CDYL2: variants seen among roughly 807,000 people sequenced by gnomAD.
CDYL2 encodes the protein chromodomain Y-like protein 2.
CDYL2 carries 23 observed loss-of-function variants against 49.4 expected under a neutral mutation model. That is an observed-to-expected ratio of 0.47 (90% confidence interval 0.34 to 0.66). The LOEUF is 0.66. Ranked by LOEUF, CDYL2 falls within the 30% of genes least tolerant of loss-of-function variation. The pLI, the probability that CDYL2 is intolerant of heterozygous loss-of-function variation, is 0.01. For missense variants in CDYL2, 678 were observed against 656.4 expected (o/e 1.03, Z -0.36); for synonymous variants, 360 against 268.8 (o/e 1.34, Z -3.32).
At chr16:80,735,624 C>A (rs1905493997) in intron 1 of CDYL2, among the ~76,000 whole-genome samples, 1 of 152,166 alleles carries the variant, frequency 6.6e-6, no homozygotes, top group African/African-American at 2.4e-5. Flanking sequence ...CAGGGAATGG[C>A]CCCCAGGCTC....
At chr16:80,774,131 A>G (rs1186774042) in intron 1 of CDYL2, among the ~76,000 whole-genome samples, 2 of 152,194 alleles carry the variant, frequency 1.3e-5, no homozygotes, top group Admixed American at 1.3e-4. Context: ...AGGAAGAAAA[A>G]TACACAAGGA....
chr16:80,653,347 C>T (rs972429578), intron 2 of CDYL2, among the ~76,000 whole-genome samples: 3 of 152,244 alleles, frequency 2.0e-5, no homozygotes, highest in South Asian at 4.1e-4. Context: ...TGCCTGTAAT[C>T]CCAGCTACTT....
At chr16:80,769,717 C>T (rs1906844292) in intron 1 of CDYL2, among the ~76,000 whole-genome samples, 1 of 152,148 alleles carries the variant, frequency 6.6e-6, no homozygotes, top group South Asian at 2.1e-4. Flanking sequence ...CAACACTGGG[C>T]AAATAGCATG....
intron 2 of CDYL2, among the ~76,000 whole-genome samples, chr16:80,633,703 A>T (rs531049465): frequency 2.6e-4 from 39 of 150,568 alleles, no homozygotes; most frequent in Admixed American, 1.6e-3. Flanking sequence ...AGAACCAGAG[A>T]TGGGGCTCTG....
At chr16:80,668,875 G>A (rs1216056412) in intron 2 of CDYL2, among the ~76,000 whole-genome samples, 3 of 151,604 alleles carry the variant, frequency 2.0e-5, no homozygotes, top group Non-Finnish European at 2.9e-5. Flanking sequence ...CTCCAACCTG[G>A]GCGACAGAGT....
chr16:80,711,638 CTTCCT>C (rs576779220), intron 1 of CDYL2, among the ~76,000 whole-genome samples: 143 of 152,258 alleles, frequency 9.4e-4, no homozygotes, highest in Middle Eastern at 3.4e-3. Context: ...CTCTCTGAGC[CTTCCT>C]TTCATCTTCA....
At chr16:80,719,321 T>A (rs1383094870) in intron 1 of CDYL2, among the ~76,000 whole-genome samples, 1 of 152,184 alleles carries the variant, frequency 6.6e-6, no homozygotes, top group Non-Finnish European at 1.5e-5. Context: ...GTCTTCTAAC[T>A]GCTCAGTGCC....
intron 2 of CDYL2, chr16:80,670,831 G>C (rs1909472072): frequency 2.2e-6 from 1 of 446,710 alleles, no homozygotes; most frequent in Admixed American, 2.4e-5. Flanking sequence ...CCACAGTCGG[G>C]TTGCACACGA....
intron 4 of CDYL2, among the ~76,000 whole-genome samples, chr16:80,613,260 G>C (rs1310435345): frequency 2.6e-5 from 4 of 152,190 alleles, no homozygotes; most frequent in African/African-American, 4.8e-5. Flanking sequence ...AACTCAAAGA[G>C]AGAAAGAATG....
chr16:80,614,357 C>T (rs894417953), intron 4 of CDYL2, among the ~76,000 whole-genome samples: 2 of 152,226 alleles, frequency 1.3e-5, no homozygotes, highest in Non-Finnish European at 2.9e-5. Flanking sequence ...CATCAAACCT[C>T]CCACCATGGC....
At chr16:80,755,027 T>C (rs1906262652) in intron 1 of CDYL2, among the ~76,000 whole-genome samples, 1 of 152,176 alleles carries the variant, frequency 6.6e-6, no homozygotes, top group Non-Finnish European at 1.5e-5. Flanking sequence ...AAGCAGGTGC[T>C]TGGGAGCCAA....
intron 2 of CDYL2, 74 bp from the exon 3 acceptor site, chr16:80,633,310 T>C (rs1907661298): frequency 2.7e-6 from 4 of 1,469,826 alleles, no homozygotes; most frequent in East Asian, 4.6e-5. Flanking sequence ...CAGAGGACGT[T>C]GGGATTTCCA....
chr16:80,788,439 C>T (rs925425957), intron 1 of CDYL2, among the ~76,000 whole-genome samples: 4 of 152,202 alleles, frequency 2.6e-5, no homozygotes, highest in Non-Finnish European at 4.4e-5. Context: ...TTGAACAATA[C>T]AACAGACACC....
At chr16:80,694,407 A>T (rs115790076) in intron 1 of CDYL2, among the ~76,000 whole-genome samples, 5,111 of 152,292 alleles carry the variant, frequency 0.034, 124 homozygotes, top group African/African-American at 0.062. Flanking sequence ...CAAAGAATTT[A>T]AAAAATGACC....
chr16:80,789,990 C>T (rs1567607417), intron 1 of CDYL2, among the ~76,000 whole-genome samples: 2 of 152,052 alleles, frequency 1.3e-5, no homozygotes, highest in South Asian at 2.1e-4. Context: ...GAAACGCAGC[C>T]CCCACCACTA....
intron 2 of CDYL2, among the ~76,000 whole-genome samples, chr16:80,646,521 T>A (rs930156919): frequency 1.3e-5 from 2 of 152,196 alleles, no homozygotes; most frequent in Admixed American, 1.3e-4. Flanking sequence ...TCGGGCGTGG[T>A]GGCTCACACC....
Position 80,602,635 on chromosome 16 carries a change from T to C in CDYL2, c.*1753A>G, listed in dbSNP as rs1200317730. 1 of 152,170 alleles carries C rather than the reference T, an allele frequency of 6.6e-6. No individual in the cohort carries two copies. The highest frequency in any genetic ancestry group is 6.5e-5 in the Admixed American group (1 of 15,268). 9.4% of individuals were successfully genotyped at this position (152,170 alleles called of 1,614,324 possible). On this transcript the variant is annotated 3_prime_UTR_variant, in exon 7 of 7. Transcript: ENST00000570137. ...GAACTGTCACCAGAACTCTCTCTTCTAAGCCTGCCTCACCTCCATAAGCTG... is the reference window on the plus strand; with the variant it reads ...GAACTGTCACCAGAACTCTCTCTTCCAAGCCTGCCTCACCTCCATAAGCTG...
chr16:80,720,484 G>T (rs146395695), intron 1 of CDYL2, among the ~76,000 whole-genome samples: 1 of 152,164 alleles, frequency 6.6e-6, no homozygotes, highest in African/African-American at 2.4e-5. Context: ...GACTCCAACA[G>T]GAAATACTCT....
At chr16:80,626,292 A>G (rs1907297613) in intron 3 of CDYL2, among the ~76,000 whole-genome samples, 1 of 151,178 alleles carries the variant, frequency 6.6e-6, no homozygotes. Flanking sequence ...AAAAAAAAAA[A>G]AAAAGGAAAA....
Sources: gnomAD v4.1 joint callset for allele counts (sites outside exome capture counted in the v4.1 genomes callset) on GRCh38, gnomAD v4.1.1 for gene constraint, MANE v1.5 for transcripts, NCBI Gene and HGNC (gene_info 2026-07-23, HGNC 2026-07-21) for gene names.